KANTR: variants seen among roughly 807,000 people sequenced by gnomAD.
KANTR encodes the protein KDM5C adjacent transcript.
downstream of KANTR, chrX:53,143,543 A>G: frequency 8.0e-6 from 5 of 624,237 alleles, no homozygotes; most frequent in Admixed American, 6.7e-5. Context: ...GAAGGTCTCA[A>G]ACATGATCTG....
intron 2 of KANTR, among the ~76,000 whole-genome samples, chrX:53,117,835 G>A (rs1933156526): frequency 9.1e-6 from 1 of 110,023 alleles, no homozygotes; most frequent in Non-Finnish European, 1.9e-5. Context: ...GGCCAGGCTG[G>A]TCTTGAACTC....
intron 2 of KANTR, among the ~76,000 whole-genome samples, chrX:53,102,981 TTTG>T (rs1556812076): frequency 2.8e-5 from 2 of 72,463 alleles, no homozygotes. Flanking sequence ...CCTTGTTTTG[TTTG>T]TTTTTTTTTT....
downstream of KANTR, among the ~76,000 whole-genome samples, chrX:53,128,812 A>T (rs1236547231): frequency 9.1e-6 from 1 of 110,125 alleles, no homozygotes; most frequent in African/African-American, 3.3e-5. Flanking sequence ...TTGAAAGCTT[A>T]CCATACATAT....
rs782386437 is a variant in KANTR, at chrX:53,109,910, T to C, written c.-805+10302T>C. On this transcript the variant is annotated intron_variant, in intron 2 of 2. Transcript: ENST00000604062. Reference sequence around the variant, plus strand: ...CTGGGACTATAGGCATGTGCCACCATGCCTGGCTAAGTTTTATATTTTTTA... The same window carrying C: ...CTGGGACTATAGGCATGTGCCACCACGCCTGGCTAAGTTTTATATTTTTTA... Among the ~76,000 whole-genome samples, 5 of 110,074 alleles carry C rather than the reference T, an allele frequency of 4.5e-5. No individual in the cohort carries two copies. In the East Asian group the frequency reaches 1.2e-3, roughly 25 times the overall value.
chrX:53,134,560 C>CA (rs1157193622), intron 2 of KANTR, among the ~76,000 whole-genome samples: 2 of 111,028 alleles, frequency 1.8e-5, no homozygotes, highest in African/African-American at 6.6e-5. Context: ...TGGAAGTTTT[C>CA]AAAACTTTTC....
At chrX:53,141,589 T>C (rs1167835415) in intron 2 of KANTR, among the ~76,000 whole-genome samples, 1 of 110,411 alleles carries the variant, frequency 9.1e-6, no homozygotes, top group East Asian at 2.8e-4. Flanking sequence ...TCCCTTCCTC[T>C]TTCCTTTTTT....
chrX:53,106,797 T>G (rs1932959034), intron 2 of KANTR, among the ~76,000 whole-genome samples: 2 of 110,060 alleles, frequency 1.8e-5, no homozygotes, highest in Non-Finnish European at 3.8e-5. Context: ...TTGAAAAATA[T>G]TCTTTTTACC....
At chrX:53,137,042 A>G (rs184846471) in intron 2 of KANTR, among the ~76,000 whole-genome samples, 11 of 109,715 alleles carry the variant, frequency 1.0e-4, no homozygotes, top group African/African-American at 3.6e-4. Flanking sequence ...ACCTGGCCAC[A>G]TTAGTATACT....
In KANTR at chrX:53,110,129, ATT is replaced by A. The variant is rs1933011901; in HGVS notation, c.-805+10524_-805+10525del. On this transcript the variant is annotated intron_variant, in intron 2 of 2. Transcript: ENST00000604062. ...ATTGTGTCGTCTGCAAATGGGAACA[ATT>A]TTACTTCTTCCTGTCCAATTTGGGT... Among the ~76,000 whole-genome samples the A allele has an allele frequency of 4.5e-5, 5 of 111,503 alleles. No homozygotes were observed. In the South Asian group the frequency reaches 1.9e-3, roughly 42 times the overall value.
chrX:53,113,743 C>T (rs1331425438), intron 2 of KANTR, among the ~76,000 whole-genome samples: 1 of 107,328 alleles, frequency 9.3e-6, no homozygotes, highest in Admixed American at 1.0e-4. Context: ...CCATGCCCAG[C>T]TAATTTTTGT....
chrX:53,147,862 A>T (rs1556819628), intron 3 of KANTR, among the ~76,000 whole-genome samples: 1 of 111,913 alleles, frequency 8.9e-6, no homozygotes, highest in Non-Finnish European at 1.9e-5. Flanking sequence ...GGCTCCTGAA[A>T]GACTACTGGG....
intron 1 of KANTR, among the ~76,000 whole-genome samples, chrX:53,097,776 C>T (rs1250307569): frequency 7.4e-5 from 8 of 108,039 alleles, no homozygotes; most frequent in African/African-American, 2.7e-4. Flanking sequence ...ACAGACTGGG[C>T]GCAGTGGCTC....
intron 2 of KANTR, among the ~76,000 whole-genome samples, chrX:53,114,410 C>T (rs782726994): frequency 1.8e-5 from 2 of 112,510 alleles, no homozygotes; most frequent in Non-Finnish European, 3.8e-5. Context: ...GACGTGAAAA[C>T]TCATTCTAGT....
chrX:53,136,732 T>TATATATATATATATATATA (rs1933430807), intron 2 of KANTR, among the ~76,000 whole-genome samples: 2 of 21,515 alleles, frequency 9.3e-5, no homozygotes, highest in African/African-American at 1.8e-4. Context: ...ATATATATAT[T>TATATATATATATATATATA]TTGTTTGTTT....
intron 2 of KANTR, among the ~76,000 whole-genome samples, chrX:53,117,233 C>T (rs1403845751): frequency 2.7e-5 from 3 of 111,545 alleles, no homozygotes; most frequent in Admixed American, 9.6e-5. Flanking sequence ...GAGCCAAGGT[C>T]ACGCCACTGC....
At chrX:53,130,662 A>G (rs1309704481), downstream of KANTR, among the ~76,000 whole-genome samples, 1 of 112,246 alleles carries the variant, frequency 8.9e-6, no homozygotes, top group African/African-American at 3.2e-5. Flanking sequence ...TGTAGTAAGC[A>G]CTGTATATGT....
chrX:53,138,826 G>C (rs1470537304), intron 2 of KANTR, among the ~76,000 whole-genome samples: 1 of 111,448 alleles, frequency 9.0e-6, no homozygotes, highest in Admixed American at 9.6e-5. Context: ...CAAATCAAGG[G>C]AGAAAGGACA....
chrX:53,142,921 A>G (rs1556818683), downstream of KANTR: 4 of 680,463 alleles, frequency 5.9e-6, no homozygotes, highest in African/African-American at 6.4e-5. Flanking sequence ...GGAACCACCA[A>G]TCCACACCGA....
intron 2 of KANTR, among the ~76,000 whole-genome samples, chrX:53,120,018 C>T (rs1374408683): frequency 9.1e-6 from 1 of 109,510 alleles, no homozygotes; most frequent in Non-Finnish European, 1.9e-5. Flanking sequence ...CTTGACCAGC[C>T]CCCCTTTGTT....
Sources: gnomAD v4.1 joint callset for allele counts (sites outside exome capture counted in the v4.1 genomes callset) on GRCh38, gnomAD v4.1.1 for gene constraint, MANE v1.5 for transcripts, NCBI Gene and HGNC (gene_info 2026-07-23, HGNC 2026-07-21) for gene names.